SDK1: variants seen among roughly 807,000 people sequenced by gnomAD.
SDK1 encodes protein sidekick-1.
SDK1 carries 157 observed loss-of-function variants against 245.5 expected under a neutral mutation model. That is an observed-to-expected ratio of 0.64 (90% CI 0.56 to 0.73). The LOEUF (loss-of-function observed/expected upper bound fraction) is 0.73, where lower values mean the gene tolerates loss of function less well. SDK1 is among the 30% of genes least tolerant of loss of function. The pLI is 0.00. For missense variants in SDK1, 3,583 were observed against 3,002.3 expected, an observed-to-expected ratio of 1.19 and a Z score of -4.52; for synonymous variants, 1,647 against 1,278.5, an observed-to-expected ratio of 1.29 and a Z score of -6.15.
chr7:3,596,340 G>C (rs1781062171), intron 1 of SDK1, among the ~76,000 whole-genome samples: 1 of 152,184 alleles, frequency 6.6e-6, no homozygotes, highest in Non-Finnish European at 1.5e-5. Flanking sequence ...GACAGTGCCA[G>C]TGACCATCAG....
intron 4 of SDK1, among the ~76,000 whole-genome samples, chr7:3,816,368 AAGAG>A (rs1191063868): frequency 3.4e-5 from 5 of 148,838 alleles, no homozygotes; most frequent in East Asian, 2.0e-4. Flanking sequence ...TAAAGAAAAA[AAGAG>A]AGAAGAATCA....
At chr7:3,902,324 C>T (rs1204389967) in intron 5 of SDK1, among the ~76,000 whole-genome samples, 1 of 152,180 alleles carries the variant, frequency 6.6e-6, no homozygotes, top group Non-Finnish European at 1.5e-5. Context: ...ACAATAAGAA[C>T]CCTGATTCCC....
chr7:4,048,123 A>G (rs558028482), intron 17 of SDK1, among the ~76,000 whole-genome samples: 4 of 152,186 alleles, frequency 2.6e-5, no homozygotes, highest in African/African-American at 7.2e-5. Context: ...AGCCGAGAAG[A>G]GTGTAGCGAT....
At chr7:4,077,523 A>C (rs534561788) in intron 21 of SDK1, among the ~76,000 whole-genome samples, 4 of 152,314 alleles carry the variant, frequency 2.6e-5, no homozygotes, top group South Asian at 4.1e-4. Context: ...TGATTGTATT[A>C]GTCCATTTTC....
intron 14 of SDK1, among the ~76,000 whole-genome samples, chr7:3,992,701 CTT>C (rs1271212098): frequency 6.6e-6 from 1 of 152,160 alleles, no homozygotes; most frequent in Non-Finnish European, 1.5e-5. Context: ...TTGTGAAAGA[CTT>C]TGCAGTGTGC....
chr7:3,842,613 G>T (rs1200729873), intron 5 of SDK1, among the ~76,000 whole-genome samples: 2 of 152,098 alleles, frequency 1.3e-5, no homozygotes, highest in Non-Finnish European at 2.9e-5. Flanking sequence ...CTCCCACACT[G>T]GTATACTGTC....
rs149523942 is a variant in SDK1, at chr7:4,115,467, A to G, written c.3823+1193A>G. Among the ~76,000 whole-genome samples the G allele has an allele frequency of 3.6e-3, 543 of 152,282 alleles. 1 individual carries two copies. Among genetic ancestry groups the G allele is most frequent in the Middle Eastern group, 0.01 (3 of 294 alleles). On this transcript the variant is annotated intron_variant, in intron 25 of 44. Coordinates refer to ENST00000404826, the MANE Select transcript of SDK1 (RefSeq NM_152744.4). ...GAGCCTAGATCCATTTTGCTTATTG[A>G]TGTCAAACCCTCTTATTCGCTCTCT...
chr7:3,364,633 C>G (rs950782864), intron 1 of SDK1, among the ~76,000 whole-genome samples: 6 of 151,878 alleles, frequency 4.0e-5, no homozygotes, highest in Non-Finnish European at 8.8e-5. Flanking sequence ...TTTCATTGAT[C>G]TGTGTATGTC....
chr7:3,619,644 G>A (rs1781873018), intron 2 of SDK1, among the ~76,000 whole-genome samples: 2 of 152,208 alleles, frequency 1.3e-5, no homozygotes, highest in South Asian at 2.1e-4. Context: ...TGAGTAGTCA[G>A]CAAAAGTCTT....
intron 1 of SDK1, among the ~76,000 whole-genome samples, chr7:3,535,690 G>T (rs563133964): frequency 6.6e-6 from 1 of 152,132 alleles, no homozygotes; most frequent in South Asian, 2.1e-4. Context: ...TTAGTAATCA[G>T]ATGTTTTCTG....
intron 22 of SDK1, among the ~76,000 whole-genome samples, chr7:4,088,797 G>T (rs1323779035): frequency 6.6e-6 from 1 of 152,158 alleles, no homozygotes; most frequent in African/African-American, 2.4e-5. Flanking sequence ...TGTAGATTTG[G>T]CCTGGGTTTT....
At chr7:3,403,844 TA>T (rs1253484790) in intron 1 of SDK1, among the ~76,000 whole-genome samples, 6 of 93,430 alleles carry the variant, frequency 6.4e-5, no homozygotes, top group East Asian at 6.0e-4. Flanking sequence ...TATATATATA[TA>T]TATATATATA....
intron 1 of SDK1, among the ~76,000 whole-genome samples, chr7:3,543,444 G>A (rs559658915): frequency 2.0e-5 from 3 of 152,210 alleles, no homozygotes; most frequent in African/African-American, 7.2e-5. Context: ...ATGGAGCACT[G>A]GTAGAATGGG....
At position 4,233,439 on chromosome 7, in the gene SDK1, T is replaced by A. The variant is rs368089588; in HGVS notation, c.5992+20T>A. Reference sequence around the variant, plus strand: ...TGTCAGGTAGGCCCTCCCAGGGAGGTCTGTCTTCTTCTGGAGGACTAGAGG... The same window carrying A: ...TGTCAGGTAGGCCCTCCCAGGGAGGACTGTCTTCTTCTGGAGGACTAGAGG... On this transcript the variant is annotated intron_variant, in intron 41 of 44. Transcript: ENST00000404826. The A allele has an allele frequency of 6.2e-7, 1 of 1,604,406 alleles. No homozygotes were observed. The highest frequency in any genetic ancestry group is 8.5e-7 in the Non-Finnish European group (1 of 1,177,096).
Position 4,051,683 on chromosome 7 carries a change from A to G in SDK1, c.2764A>G (p.Thr922Ala), listed in dbSNP as rs140259802. 3.3e-5 allele frequency: 53 copies of G among 1,613,260 alleles called. No individual in the cohort carries two copies. The African/African-American group carries it at 4.7e-4, about 14-fold the overall frequency. The change falls in exon 19 of 45, where the codon ACT (threonine) becomes GCT (alanine). Residue 922 changes from threonine to alanine, a missense_variant. Thr to Ala is a moderately conservative substitution (Grantham distance 58). Transcript: ENST00000404826. ...ADAPEAVTVV[T>A]IAPDFHGVHH... ...TGCCCCCGAGGCTGTCACTGTGGTC[A>G]CTATTGCCCCAGATTTCCACGGAGT...
At chr7:3,965,194 A>G (rs1483583544) in intron 9 of SDK1, among the ~76,000 whole-genome samples, 7 of 152,162 alleles carry the variant, frequency 4.6e-5, no homozygotes, top group Non-Finnish European at 8.8e-5. Context: ...TTATTTACAA[A>G]CACAGGGTGC....
At chr7:4,138,815 T>C (rs1039906782) in intron 28 of SDK1, among the ~76,000 whole-genome samples, 12 of 151,280 alleles carry the variant, frequency 7.9e-5, no homozygotes, top group African/African-American at 2.9e-4. Flanking sequence ...AAAAGAAAAT[T>C]GATGACTAAA....
At chr7:4,237,836 C>A in intron 42 of SDK1, 52 bp downstream of exon 42, 2 of 1,603,472 alleles carry the variant, frequency 1.2e-6, no homozygotes, top group Non-Finnish European at 8.5e-7. Context: ...TCAGCCAAAA[C>A]ATAGCGTTCG....
intron 26 of SDK1, chr7:4,129,598 T>C: frequency 9.0e-7 from 1 of 1,112,876 alleles, no homozygotes; most frequent in Non-Finnish European, 1.2e-6. Flanking sequence ...TAATCGAGTC[T>C]TTGTTTTAGT....
Sources: gnomAD v4.1 joint callset for allele counts (sites outside exome capture counted in the v4.1 genomes callset) on GRCh38, gnomAD v4.1.1 for gene constraint, MANE v1.5 for transcripts, NCBI Gene and HGNC (gene_info 2026-07-23, HGNC 2026-07-21) for gene names.